SH3RF3: variants seen among roughly 807,000 people sequenced by gnomAD.
SH3RF3 encodes the protein E3 ubiquitin-protein ligase SH3RF3.
In SH3RF3, 29 loss-of-function variants were observed where a neutral mutation model predicts 66.3. The observed-to-expected ratio is 0.44, with a 90% CI of 0.33 to 0.60. SH3RF3 has a LOEUF of 0.60. Among genes scored for constraint, SH3RF3 ranks in the 20% least tolerant of loss-of-function variants. The pLI is 0.04. For missense variants in SH3RF3, 1,194 were observed against 1,190.9 expected, an observed-to-expected ratio of 1.00 and a Z score of -0.04; for synonymous variants, 583 against 532.0, an observed-to-expected ratio of 1.10 and a Z score of -1.32.
chr2:109,353,523 AG>A (rs749451782), intron 2 of SH3RF3, among the ~76,000 whole-genome samples: 12 of 152,148 alleles, frequency 7.9e-5, no homozygotes, highest in Non-Finnish European at 1.5e-4. Context: ...TAGGGCAGCA[AG>A]GGGCGCCTGG....
intron 4 of SH3RF3, among the ~76,000 whole-genome samples, chr2:109,402,777 A>G (rs1676349989): frequency 1.3e-5 from 2 of 152,324 alleles, no homozygotes; most frequent in East Asian, 1.9e-4. Flanking sequence ...GGGGCAGAGG[A>G]TTACAGATCG....
chr2:109,196,634 T>G (rs956926857), intron 1 of SH3RF3, among the ~76,000 whole-genome samples: 1 of 152,152 alleles, frequency 6.6e-6, no homozygotes, highest in African/African-American at 2.4e-5. Flanking sequence ...GCGCTGTGGT[T>G]GCGGCTGTAC....
chr2:109,215,934 G>A (rs367718202), intron 1 of SH3RF3, among the ~76,000 whole-genome samples: 24 of 152,330 alleles, frequency 1.6e-4, no homozygotes, highest in East Asian at 1.2e-3. Context: ...GGCTTCTACC[G>A]TGCCAGCGGC....
At chr2:109,260,065 C>G (rs568929576) in intron 1 of SH3RF3, among the ~76,000 whole-genome samples, 11 of 152,294 alleles carry the variant, frequency 7.2e-5, no homozygotes, top group Middle Eastern at 3.4e-3. Flanking sequence ...TGATGTTTAT[C>G]TCAACCCTGG....
At chr2:109,243,766 T>C (rs1252116146) in intron 1 of SH3RF3, among the ~76,000 whole-genome samples, 1 of 152,202 alleles carries the variant, frequency 6.6e-6, no homozygotes, top group Admixed American at 6.5e-5. Context: ...CGAGTGGTTT[T>C]GCAATCCAGG....
At chr2:109,227,527 C>T (rs925421486) in intron 1 of SH3RF3, among the ~76,000 whole-genome samples, 10 of 152,184 alleles carry the variant, frequency 6.6e-5, no homozygotes, top group South Asian at 2.1e-4. Context: ...TGTGGGCTCC[C>T]GGGTCTGCCT....
intron 1 of SH3RF3, among the ~76,000 whole-genome samples, chr2:109,204,543 A>T (rs1678761867): frequency 6.6e-6 from 1 of 152,210 alleles, no homozygotes. Flanking sequence ...TGTGCAATGT[A>T]CAATGTACAC....
intron 8 of SH3RF3, among the ~76,000 whole-genome samples, chr2:109,462,356 T>C (rs1678229961): frequency 6.6e-6 from 1 of 152,070 alleles, no homozygotes; most frequent in Admixed American, 6.6e-5. Flanking sequence ...AATCACTGCA[T>C]ATCAGATACC....
intron 1 of SH3RF3, among the ~76,000 whole-genome samples, chr2:109,163,438 G>A (rs1265649182): frequency 3.7e-5 from 4 of 109,048 alleles, no homozygotes; most frequent in South Asian, 6.6e-4. Context: ...TCGCTCTGTC[G>A]CCCAGGCTGG....
At chr2:109,170,720 T>C (rs1037011267) in intron 1 of SH3RF3, among the ~76,000 whole-genome samples, 2 of 152,180 alleles carry the variant, frequency 1.3e-5, no homozygotes, top group Middle Eastern at 3.2e-3. Context: ...TAAATAAATA[T>C]TTGTTGGGCA....
At chr2:109,139,139 A>G (rs1676880218) in intron 1 of SH3RF3, among the ~76,000 whole-genome samples, 1 of 152,166 alleles carries the variant, frequency 6.6e-6, no homozygotes, top group African/African-American at 2.4e-5. Flanking sequence ...ACTCTTTATA[A>G]TCATATCCCA....
chr2:109,455,753 A>G (rs1213288863), intron 8 of SH3RF3, among the ~76,000 whole-genome samples: 2 of 152,196 alleles, frequency 1.3e-5, no homozygotes, highest in African/African-American at 4.8e-5. Context: ...GTCGACAGGC[A>G]GCCGGGGAAG....
At chr2:109,462,227 CA>C (rs1373877404) in intron 8 of SH3RF3, among the ~76,000 whole-genome samples, 3 of 150,644 alleles carry the variant, frequency 2.0e-5, no homozygotes, top group Admixed American at 1.3e-4. Flanking sequence ...ACCATCCCTG[CA>C]AACTATTTTG....
At chr2:109,317,292 G>T (rs1346638364) in intron 1 of SH3RF3, among the ~76,000 whole-genome samples, 1 of 152,168 alleles carries the variant, frequency 6.6e-6, no homozygotes, top group Non-Finnish European at 1.5e-5. Context: ...TGCCCATGGT[G>T]ACAGGGCGAC....
At chr2:109,247,263 C>T (rs1679939161) in intron 1 of SH3RF3, among the ~76,000 whole-genome samples, 2 of 152,146 alleles carry the variant, frequency 1.3e-5, no homozygotes, top group Non-Finnish European at 2.9e-5. Context: ...TCCTTAATGT[C>T]CTGGAATCGG....
intron 1 of SH3RF3, among the ~76,000 whole-genome samples, chr2:109,270,707 C>T (rs1196787964): frequency 6.6e-6 from 1 of 152,228 alleles, no homozygotes; most frequent in African/African-American, 2.4e-5. Flanking sequence ...TCTGGAGCAT[C>T]CTTTGGAGAC....
chr2:109,465,926 C>A (rs935960334), intron 8 of SH3RF3, among the ~76,000 whole-genome samples: 1 of 152,148 alleles, frequency 6.6e-6, no homozygotes, highest in Non-Finnish European at 1.5e-5. Flanking sequence ...AGGATCCGTC[C>A]CCACGATCCA....
chr2:109,149,722 A>G (rs1165753614), intron 1 of SH3RF3, among the ~76,000 whole-genome samples: 1 of 152,148 alleles, frequency 6.6e-6, no homozygotes, highest in Non-Finnish European at 1.5e-5. Context: ...CTTACGTTCT[A>G]ATTGGTGCCA....
chr2:109,207,702 A>G (rs1266569835), intron 1 of SH3RF3, among the ~76,000 whole-genome samples: 3 of 152,216 alleles, frequency 2.0e-5, no homozygotes, highest in Non-Finnish European at 4.4e-5. Context: ...ATGGAAACAA[A>G]ACATTTGTAT....
Sources: gnomAD v4.1 joint callset for allele counts (sites outside exome capture counted in the v4.1 genomes callset) on GRCh38, gnomAD v4.1.1 for gene constraint, MANE v1.5 for transcripts, NCBI Gene and HGNC (gene_info 2026-07-23, HGNC 2026-07-21) for gene names.